Variants in NRXN3 observed in about 807,000 individuals in gnomAD.
NRXN3 encodes neurexin 3.
Under a neutral mutation model 137.6 loss-of-function variants are expected in NRXN3, and 32 were observed. The observed-to-expected ratio is 0.23, with a 90% CI of 0.18 to 0.31. The LOEUF (loss-of-function observed/expected upper bound fraction) is 0.31. Among genes scored for constraint, NRXN3 ranks in the 10% least tolerant of loss-of-function variants. NRXN3 has a pLI of 1.00. For missense variants in NRXN3, 1,574 were observed against 2,062.5 expected, an observed-to-expected ratio of 0.76 and a Z score of 4.59; for synonymous variants, 798 against 784.5, an observed-to-expected ratio of 1.02 and a Z score of -0.29.
chr14:79,747,156 A>G (rs1376646715), intron 19 of NRXN3, among the ~76,000 whole-genome samples: 2 of 152,082 alleles, frequency 1.3e-5, no homozygotes, highest in African/African-American at 4.8e-5. Context: ...AAAGCTACAT[A>G]TATAAGCTAC....
chr14:79,529,376 A>T (rs2097149720), intron 16 of NRXN3, among the ~76,000 whole-genome samples: 1 of 152,246 alleles, frequency 6.6e-6, no homozygotes, highest in Non-Finnish European at 1.5e-5. Flanking sequence ...TACTGGGTTT[A>T]GGCCAGGCAG....
intron 1 of NRXN3, chr14:78,231,728 A>G (rs1225087207): frequency 6.6e-6 from 1 of 152,260 alleles, no homozygotes; most frequent in East Asian, 1.9e-4. Context: ...AGGGATAATA[A>G]TAGTTCCTAC....
chr14:78,219,222 A>T (rs556041599), intron 1 of NRXN3, among the ~76,000 whole-genome samples: 1 of 152,202 alleles, frequency 6.6e-6, no homozygotes, highest in Non-Finnish European at 1.5e-5. Context: ...TTTCCAGGGG[A>T]TGGGGAGAAT....
intron 16 of NRXN3, among the ~76,000 whole-genome samples, chr14:79,598,023 A>C (rs573055083): frequency 6.6e-6 from 1 of 152,356 alleles, no homozygotes; most frequent in South Asian, 2.1e-4. Flanking sequence ...CAGTGTAAAC[A>C]TTAAATAATT....
chr14:78,397,786 T>A lies in NRXN3; in HGVS notation c.757+99926T>A, dbSNP rs1401069234. Among the ~76,000 whole-genome samples, 3 of 151,678 alleles carry A rather than the reference T, an allele frequency of 2.0e-5. No individual in the cohort carries two copies. In the East Asian group the frequency reaches 6.0e-4, roughly 30 times the overall value. On this transcript the variant is annotated intron_variant, in intron 4 of 20. Transcript: ENST00000335750. Reference sequence around the variant, plus strand: ...GCCAGGCTAATTTTTGTATTTTTAGTAGAGACAGGGTTTCACCAGGTTGCC... The same window carrying A: ...GCCAGGCTAATTTTTGTATTTTTAGAAGAGACAGGGTTTCACCAGGTTGCC...
At chr14:78,470,768 G>T (rs73316479) in intron 4 of NRXN3, among the ~76,000 whole-genome samples, 7,725 of 152,106 alleles carry the variant, frequency 0.051, 257 homozygotes, top group African/African-American at 0.093. Context: ...TTAGTATCAC[G>T]CTTTTTTACA....
intron 4 of NRXN3, among the ~76,000 whole-genome samples, chr14:78,570,369 A>G (rs778812755): frequency 6.6e-6 from 1 of 152,134 alleles, no homozygotes; most frequent in Admixed American, 6.5e-5. Flanking sequence ...GTACTGTGAG[A>G]AATAAATTTC....
chr14:79,209,502 G>A (rs2067315872), intron 15 of NRXN3, among the ~76,000 whole-genome samples: 1 of 152,152 alleles, frequency 6.6e-6, no homozygotes, highest in Admixed American at 6.5e-5. Flanking sequence ...CTCATTCCCT[G>A]TTGTCACTGA....
At chr14:79,291,115 A>T (rs536145954) in intron 15 of NRXN3, among the ~76,000 whole-genome samples, 1 of 152,186 alleles carries the variant, frequency 6.6e-6, no homozygotes, top group African/African-American at 2.4e-5. Context: ...TTTTTCATTG[A>T]ATCAATATCT....
chr14:78,932,316 T>C (rs879451179), intron 10 of NRXN3, among the ~76,000 whole-genome samples: 1 of 152,270 alleles, frequency 6.6e-6, no homozygotes, highest in East Asian at 1.9e-4. Context: ...TTTTGAACTC[T>C]TATTTTTCTC....
chr14:79,794,772 C>A (rs1428714529), intron 19 of NRXN3, among the ~76,000 whole-genome samples: 1 of 152,148 alleles, frequency 6.6e-6, no homozygotes, highest in Admixed American at 6.5e-5. Flanking sequence ...TCAAATAAAG[C>A]TGTTTGATTC....
At chr14:78,406,544 C>T (rs892004350) in intron 4 of NRXN3, among the ~76,000 whole-genome samples, 2 of 152,184 alleles carry the variant, frequency 1.3e-5, no homozygotes, top group African/African-American at 4.8e-5. Context: ...AGAAGGGGAA[C>T]GAATGGTTGG....
intron 15 of NRXN3, among the ~76,000 whole-genome samples, chr14:79,341,137 G>T (rs1484201068): frequency 6.6e-6 from 1 of 152,130 alleles, no homozygotes; most frequent in Admixed American, 6.5e-5. Context: ...TTCTGAAATT[G>T]CTGGCTCCCA....
intron 15 of NRXN3, among the ~76,000 whole-genome samples, chr14:79,393,024 G>A (rs1293615668): frequency 6.6e-6 from 1 of 151,486 alleles, no homozygotes; most frequent in Non-Finnish European, 1.5e-5. Context: ...GAGAGGATGT[G>A]GAGAAATAGG....
intron 4 of NRXN3, among the ~76,000 whole-genome samples, chr14:78,366,976 T>G (rs2086058973): frequency 6.6e-6 from 1 of 152,228 alleles, no homozygotes; most frequent in South Asian, 2.1e-4. Flanking sequence ...CTTTTGCCCC[T>G]TCAGAGGCCT....
intron 8 of NRXN3, among the ~76,000 whole-genome samples, chr14:78,740,282 C>T (rs977811782): frequency 2.0e-5 from 3 of 152,112 alleles, no homozygotes; most frequent in African/African-American, 7.2e-5. Context: ...ACTCCATTTG[C>T]CTGAATGATT....
At position 78,906,541 on chromosome 14, in the gene NRXN3, A is replaced by G. The variant is rs566038508; in HGVS notation, c.2276-50701A>G. ...ATTACTATTTTGTGGCACTTATTTC[A>G]CTCCCACATCCAATCTGTGTGAATG... is the stretch of plus-strand genomic sequence containing the variant. On this transcript the variant is annotated intron_variant, in intron 10 of 20. Coordinates refer to ENST00000335750, the MANE Select transcript of NRXN3 (RefSeq NM_001330195.2). Among the ~76,000 whole-genome samples the G allele has an allele frequency of 3.3e-5, 5 of 152,082 alleles. No individual in the cohort carries two copies. The South Asian group carries it at 6.2e-4, about 19-fold the overall frequency.
At chr14:79,483,780 T>G (rs1567248104) in intron 16 of NRXN3, among the ~76,000 whole-genome samples, 2 of 152,114 alleles carry the variant, frequency 1.3e-5, no homozygotes, top group African/African-American at 2.4e-5. Context: ...CGTGTGTGTG[T>G]GTGGGTGGGT....
chr14:79,570,408 CTGG>C (rs1049692078), intron 16 of NRXN3: 12 of 152,302 alleles, frequency 7.9e-5, no homozygotes, highest in African/African-American at 2.9e-4. Context: ...GGACTCTGGC[CTGG>C]TGCATAGGTT....
Sources: allele counts gnomAD v4.1 joint callset (sites outside exome capture counted in the v4.1 genomes callset), GRCh38; gene constraint gnomAD v4.1.1; transcripts MANE v1.5; gene names NCBI Gene and HGNC (gene_info 2026-07-23, HGNC 2026-07-21).